Variants in UGT2B7 observed in about 807,000 individuals in gnomAD.
The protein encoded by UGT2B7 is UDP-glucuronosyltransferase 2B7.
In UGT2B7, 51 loss-of-function variants were observed where a neutral mutation model predicts 51.9. That is an observed-to-expected ratio of 0.98 (90% CI 0.78 to 1.24). The LOEUF (loss-of-function observed/expected upper bound fraction) is 1.24. Ranked by LOEUF, UGT2B7 falls within the 50% of genes most tolerant of loss-of-function variation. UGT2B7 has a pLI of 0.00. For synonymous variants in UGT2B7, 225 were observed against 211.6 expected (o/e 1.06, Z -0.55); for missense variants, 727 against 628.4 (o/e 1.16, Z -1.68).
At chr4:69,066,393 T>C (rs189413598) in intron 1 of UGT2B7, 5 of 152,230 alleles carry the variant, frequency 3.3e-5, no homozygotes, top group East Asian at 1.9e-4. Flanking sequence ...CTTGTCTATA[T>C]AGTTCTATGG....
chr4:69,101,346 A>C (rs1560510107), intron 2 of UGT2B7, among the ~76,000 whole-genome samples: 2 of 152,020 alleles, frequency 1.3e-5, no homozygotes, highest in Non-Finnish European at 2.9e-5. Context: ...TTATTTAAAA[A>C]AATTTTTTTC....
intron 1 of UGT2B7, among the ~76,000 whole-genome samples, chr4:69,077,821 T>C (rs1350816587): frequency 6.6e-6 from 1 of 152,226 alleles, no homozygotes; most frequent in Non-Finnish European, 1.5e-5. Context: ...CTATGTTGAA[T>C]AGAAGTGGTG....
intron 1 of UGT2B7, among the ~76,000 whole-genome samples, chr4:69,075,838 G>A (rs1342545346): frequency 1.3e-5 from 2 of 152,116 alleles, no homozygotes. Flanking sequence ...GTGCAGGATT[G>A]CTACATAGGT....
At chr4:69,088,306 G>T in intron 1 of UGT2B7, among the ~76,000 whole-genome samples, 1 of 150,194 alleles carries the variant, frequency 6.7e-6, no homozygotes, top group Admixed American at 6.7e-5. Flanking sequence ...CCACTTCTTT[G>T]CAAAATTTAT....
intron 1 of UGT2B7, among the ~76,000 whole-genome samples, chr4:69,083,109 GCTGA>G (rs1289061443): frequency 3.3e-5 from 5 of 152,028 alleles, no homozygotes; most frequent in Non-Finnish European, 7.4e-5. Flanking sequence ...AATATTTTAA[GCTGA>G]CTGTTGAGAT....
intron 1 of UGT2B7, among the ~76,000 whole-genome samples, chr4:69,074,234 G>A (rs1023735064): frequency 6.6e-6 from 1 of 151,740 alleles, no homozygotes; most frequent in African/African-American, 2.4e-5. Context: ...CCAGCCACTT[G>A]GGGGACTGAG....
intron 1 of UGT2B7, among the ~76,000 whole-genome samples, chr4:69,067,036 A>G (rs1718495777): frequency 6.6e-6 from 1 of 152,072 alleles, no homozygotes; most frequent in African/African-American, 2.4e-5. Context: ...TGACTTCACC[A>G]TTTCTCTAAG....
At chr4:69,085,105 A>G (rs374790935) in intron 1 of UGT2B7, among the ~76,000 whole-genome samples, 1 of 152,064 alleles carries the variant, frequency 6.6e-6, no homozygotes, top group Non-Finnish European at 1.5e-5. Flanking sequence ...AAGCATTCCT[A>G]TTTCTCCACA....
chr4:69,112,747 G>A lies in UGT2B7; in HGVS notation c.*11G>A. ...GGAAAAAATGATTAGTTATATCTGAGATTTGAAGCTGGAAAACCTGATAGG... is the reference window on the plus strand; with the variant it reads ...GGAAAAAATGATTAGTTATATCTGAAATTTGAAGCTGGAAAACCTGATAGG... On this transcript the variant is annotated 3_prime_UTR_variant, in exon 6 of 6. Coordinates refer to ENST00000305231, the MANE Select transcript of UGT2B7 (RefSeq NM_001074.4). 1 of 1,611,422 alleles carries A rather than the reference G, an allele frequency of 6.2e-7. No homozygotes were observed. Among genetic ancestry groups the A allele is most frequent in the Non-Finnish European group, 8.5e-7 (1 of 1,179,236 alleles).
rs777310371 is a variant in UGT2B7 at position 69,065,180 on chromosome 4, G to A, written c.-159+13578G>A. ...TTTACTTACCCTAATTTTGAAATAG[G>A]TCTATTCAGTGTATTTTTCAGAGGG... On this transcript the variant is annotated intron_variant, in intron 1 of 5. Transcript: ENST00000502942. Among the ~76,000 whole-genome samples the A allele has an allele frequency of 1.5e-4, 23 of 152,176 alleles. 1 individual carries two copies. Among genetic ancestry groups the A allele is most frequent in the East Asian group, 5.8e-4 (3 of 5,174 alleles).
intron 1 of UGT2B7, among the ~76,000 whole-genome samples, chr4:69,058,050 G>C (rs1560497611): frequency 6.6e-6 from 1 of 152,210 alleles, no homozygotes; most frequent in Non-Finnish European, 1.5e-5. Context: ...TTCAAGCCGA[G>C]AGTAATCAGC....
chr4:69,063,608 G>C (rs973187871), intron 1 of UGT2B7, among the ~76,000 whole-genome samples: 1 of 152,136 alleles, frequency 6.6e-6, no homozygotes, highest in Non-Finnish European at 1.5e-5. Context: ...AGTTGAGCCT[G>C]ATGAATTGCT....
intron 1 of UGT2B7, chr4:69,066,427 T>C (rs1718485399): frequency 6.6e-6 from 1 of 152,078 alleles, no homozygotes; most frequent in Non-Finnish European, 1.5e-5. Context: ...GGAAATCAGA[T>C]ACCTTAGTAC....
chr4:69,057,641 G>A (rs545132432), intron 1 of UGT2B7, among the ~76,000 whole-genome samples: 1 of 152,294 alleles, frequency 6.6e-6, no homozygotes, highest in South Asian at 2.1e-4. Flanking sequence ...GCATCTATCT[G>A]AGCAAAGTGT....
At chr4:69,053,919 G>C (rs1301303090) in intron 1 of UGT2B7, among the ~76,000 whole-genome samples, 1 of 152,078 alleles carries the variant, frequency 6.6e-6, no homozygotes, top group Non-Finnish European at 1.5e-5. Flanking sequence ...AGGAAGAAAA[G>C]AAAATAATAA....
chr4:69,102,163 C>T (rs192205502), intron 2 of UGT2B7, among the ~76,000 whole-genome samples: 8 of 152,136 alleles, frequency 5.3e-5, no homozygotes, highest in South Asian at 2.1e-4. Context: ...AGAATGTCAG[C>T]GGTTCTTAAC....
Position 69,097,082 on chromosome 4 carries a change from A to G in UGT2B7, c.562A>G (p.Ile188Val), listed in dbSNP as rs529993159. The change falls in exon 1 of 6, where the codon ATT (isoleucine) becomes GTT (valine). Residue 188 changes from isoleucine (I) to valine (V), a missense_variant. By Grantham distance (29) the Ile-to-Val change is conservative. Transcript: ENST00000305231. ...YTFEKHSGGFIFPPSYVPVVM... is the reference protein window; with the variant it reads ...YTFEKHSGGFVFPPSYVPVVM... The stretch of plus-strand genomic sequence containing the variant: ...TTTTGAAAAGCATAGTGGAGGATTT[A>G]TTTTCCCTCCTTCCTACGTACCTGT... 2.5e-6 allele frequency: 4 copies of G among 1,613,636 alleles called. No individual in the cohort carries two copies. The African/African-American group carries it at 5.3e-5, about 22-fold the overall frequency.
intron 1 of UGT2B7, among the ~76,000 whole-genome samples, chr4:69,077,960 C>T (rs1718752144): frequency 6.6e-6 from 1 of 152,084 alleles, no homozygotes; most frequent in African/African-American, 2.4e-5. Flanking sequence ...TCCATCAATA[C>T]CTAGCTTATT....
chr4:69,096,776 T>C lies in UGT2B7; in HGVS notation c.256T>C (p.Leu86=). Residue 86 remains leucine (L), a synonymous_variant, in exon 1 of 6, where the codon TTG becomes CTG. Coordinates refer to ENST00000305231, the MANE Select transcript of UGT2B7 (RefSeq NM_001074.4). ...IYPTSLTKTE[L]ENFIMQQIKR... is the part of the protein sequence containing the mutation. ...TCCCACATCTTTAACTAAAACTGAG[T>C]TGGAGAATTTCATCATGCAACAGAT... 1 of 1,613,966 alleles carries C rather than the reference T, an allele frequency of 6.2e-7. No individual in the cohort carries two copies. The highest frequency in any genetic ancestry group is 8.5e-7 in the Non-Finnish European group (1 of 1,179,938).
Sources: allele counts gnomAD v4.1 joint callset (sites outside exome capture counted in the v4.1 genomes callset), GRCh38; gene constraint gnomAD v4.1.1; transcripts MANE v1.5; gene names NCBI Gene and HGNC (gene_info 2026-07-23, HGNC 2026-07-21).